The following NELL1 variants were observed in gnomAD, a reference collection of about 807,000 sequenced individuals.
NELL1 encodes the protein neural EGFL like 1.
In NELL1, 76 loss-of-function variants were observed where a neutral mutation model predicts 107.4. That is an observed-to-expected ratio of 0.71 (90% CI 0.59 to 0.86). The LOEUF (loss-of-function observed/expected upper bound fraction) is 0.86. NELL1 is among the 40% of genes least tolerant of loss of function. The probability of loss-of-function intolerance (pLI) is 0.00; values close to 1 mark genes in which losing one functional copy is unlikely to be tolerated. For synonymous variants in NELL1, 353 were observed against 341.2 expected, an observed-to-expected ratio of 1.03 and a Z score of -0.38; for missense variants, 1,024 against 1,005.5, an observed-to-expected ratio of 1.02 and a Z score of -0.25.
intron 15 of NELL1, among the ~76,000 whole-genome samples, chr11:21,422,523 C>G (rs1308092930): frequency 2.0e-5 from 3 of 151,990 alleles, no homozygotes; most frequent in African/African-American, 7.2e-5. Flanking sequence ...TATTTATTAA[C>G]ACAATGCACA....
At chr11:21,410,975 C>T (rs2133810101) in intron 15 of NELL1, among the ~76,000 whole-genome samples, 1 of 152,122 alleles carries the variant, frequency 6.6e-6, no homozygotes, top group Middle Eastern at 3.4e-3. Context: ...AGAATATAGC[C>T]TGGCCAGTTT....
intron 3 of NELL1, among the ~76,000 whole-genome samples, chr11:20,816,053 A>G (rs902014052): frequency 7.9e-5 from 12 of 152,212 alleles, no homozygotes; most frequent in East Asian, 5.8e-4. Flanking sequence ...TTTTATTACT[A>G]TAGTCTTATA....
intron 5 of NELL1, among the ~76,000 whole-genome samples, chr11:20,901,346 T>C (rs1253710628): frequency 6.6e-6 from 1 of 152,174 alleles, no homozygotes; most frequent in South Asian, 2.1e-4. Flanking sequence ...ATTTTATTTA[T>C]AATATCAAAA....
At chr11:21,199,756 T>C (rs1198112912) in intron 13 of NELL1, among the ~76,000 whole-genome samples, 3 of 151,906 alleles carry the variant, frequency 2.0e-5, no homozygotes, top group Non-Finnish European at 2.9e-5. Context: ...CATCAACCTG[T>C]CATCTACATT....
In NELL1 at chr11:21,224,407, TG is replaced by T. The variant is rs551545052; in HGVS notation, c.1427-4923del. ...ACCATACCCAGATTTTTTTTTTTTT[TG>T]GTAGATATGGCACATCACCATCTTC... On this transcript the variant is annotated intron_variant, in intron 13 of 19. Transcript: ENST00000357134. Among the ~76,000 whole-genome samples the T allele has an allele frequency of 1.1e-3, 161 of 151,554 alleles. 1 individual carries two copies. Among genetic ancestry groups the T allele is most frequent in the Non-Finnish European group, 1.8e-3 (124 of 67,832 alleles).
chr11:21,314,941 C>T (rs919686927), intron 14 of NELL1, among the ~76,000 whole-genome samples: 1 of 152,022 alleles, frequency 6.6e-6, no homozygotes, highest in African/African-American at 2.4e-5. Context: ...ACTGCAACCT[C>T]CACCTCCTGG....
chr11:20,921,568 A>G (rs1850376703), intron 7 of NELL1, among the ~76,000 whole-genome samples: 1 of 152,102 alleles, frequency 6.6e-6, no homozygotes, highest in African/African-American at 2.4e-5. Context: ...AGGGAGTAAT[A>G]TTACTCTTTC....
chr11:21,199,728 A>C (rs1857225813), intron 13 of NELL1, among the ~76,000 whole-genome samples: 1 of 152,032 alleles, frequency 6.6e-6, no homozygotes, highest in Non-Finnish European at 1.5e-5. Context: ...TACATGTGCC[A>C]TGGTGGTTTG....
intron 10 of NELL1, among the ~76,000 whole-genome samples, chr11:20,940,683 C>A (rs1021048143): frequency 2.0e-5 from 3 of 152,184 alleles, no homozygotes; most frequent in African/African-American, 7.2e-5. Flanking sequence ...ACGGGAACAT[C>A]ATTCTGCATT....
At chr11:21,028,253 T>C (rs999013782) in intron 12 of NELL1, among the ~76,000 whole-genome samples, 1 of 152,164 alleles carries the variant, frequency 6.6e-6, no homozygotes. Context: ...ATCAGCATTT[T>C]ATTTTAATGC....
chr11:21,103,643 A>C (rs1404361520), intron 12 of NELL1, among the ~76,000 whole-genome samples: 1 of 152,202 alleles, frequency 6.6e-6, no homozygotes, highest in Non-Finnish European at 1.5e-5. Flanking sequence ...AAGAGGATAT[A>C]GACAGCTTTG....
intron 14 of NELL1, among the ~76,000 whole-genome samples, chr11:21,296,463 TTAAA>T (rs547675061): frequency 7.1e-4 from 108 of 152,086 alleles, no homozygotes; most frequent in African/African-American, 2.4e-3. Context: ...GTTGTATACT[TTAAA>T]TATATGGAAT....
intron 15 of NELL1, among the ~76,000 whole-genome samples, chr11:21,484,901 T>C (rs768073173): frequency 7.9e-5 from 12 of 152,080 alleles, no homozygotes; most frequent in Non-Finnish European, 1.3e-4. Flanking sequence ...ACAGTTCACA[T>C]AGATTTCCTA....
chr11:21,002,394 G>A (rs934208497), intron 12 of NELL1, among the ~76,000 whole-genome samples: 6 of 152,208 alleles, frequency 3.9e-5, no homozygotes, highest in Non-Finnish European at 5.9e-5. Context: ...GCAGGGAAAT[G>A]CTGTTAGTGG....
intron 16 of NELL1, among the ~76,000 whole-genome samples, chr11:21,536,060 T>C (rs1215428782): frequency 6.6e-6 from 1 of 152,168 alleles, no homozygotes; most frequent in Non-Finnish European, 1.5e-5. Context: ...GATTTTTTAG[T>C]GCACAAAGGA....
chr11:20,687,664 T>C (rs893982606), intron 2 of NELL1, among the ~76,000 whole-genome samples: 1 of 152,026 alleles, frequency 6.6e-6, no homozygotes. Context: ...CAGTCTCTGC[T>C]CACTGCAACC....
chr11:21,357,597 G>T (rs1488882422), intron 14 of NELL1, among the ~76,000 whole-genome samples: 1 of 152,014 alleles, frequency 6.6e-6, no homozygotes. Flanking sequence ...CTGTTCTGTG[G>T]GTTGTCTGTT....
At chr11:21,145,040 T>C (rs1210614299) in intron 13 of NELL1, among the ~76,000 whole-genome samples, 1 of 152,164 alleles carries the variant, frequency 6.6e-6, no homozygotes, top group African/African-American at 2.4e-5. Context: ...AGGGTTGTTG[T>C]GATGATTAAA....
Position 21,275,939 on chromosome 11 carries a change from A to G in NELL1, c.1549+46485A>G, listed in dbSNP as rs558156022. Among the ~76,000 whole-genome samples, 5 of 152,340 alleles carry G rather than the reference A, an allele frequency of 3.3e-5. No individual in the cohort carries two copies. In the South Asian group the frequency reaches 6.2e-4, roughly 19 times the overall value. Reference sequence around the variant, plus strand: ...GCTATCTATGACAAATCCACAGCCAATATCATACTGAATAGGCAAAAACTG... The same window carrying G: ...GCTATCTATGACAAATCCACAGCCAGTATCATACTGAATAGGCAAAAACTG... On this transcript the variant is annotated intron_variant, in intron 14 of 19. Transcript: ENST00000357134.
Sources: gnomAD v4.1 joint callset for allele counts (sites outside exome capture counted in the v4.1 genomes callset) on GRCh38, gnomAD v4.1.1 for gene constraint, MANE v1.5 for transcripts, NCBI Gene and HGNC (gene_info 2026-07-23, HGNC 2026-07-21) for gene names.